Variants in PCNP observed in about 807,000 individuals in gnomAD.
PCNP encodes PEST proteolytic signal containing nuclear protein, also known as PEST proteolytic signal-containing nuclear protein.
In PCNP, 6 loss-of-function variants were observed where a neutral mutation model predicts 21.8. The observed-to-expected ratio is 0.28, with a 90% CI of 0.15 to 0.54. The LOEUF (loss-of-function observed/expected upper bound fraction) is 0.54. PCNP is among the 20% of genes least tolerant of loss of function. The pLI, the probability that PCNP is intolerant of heterozygous loss-of-function variation, is 0.95. For synonymous variants in PCNP, 67 were observed against 73.2 expected (o/e 0.92, Z 0.43); for missense variants, 161 against 215.5 (o/e 0.75, Z 1.58).
At chr3:101,581,130 T>G (rs1935199762) in intron 2 of PCNP, among the ~76,000 whole-genome samples, 1 of 152,204 alleles carries the variant, frequency 6.6e-6, no homozygotes, top group Non-Finnish European at 1.5e-5. Context: ...TTGCCCTTTT[T>G]CTATTTCTAT....
chr3:101,586,347 A>C (rs1348695589), intron 3 of PCNP, among the ~76,000 whole-genome samples: 1 of 151,976 alleles, frequency 6.6e-6, no homozygotes, highest in Non-Finnish European at 1.5e-5. Context: ...CAATTTCCTC[A>C]TGCCCCTCAC....
At chr3:101,592,523 G>GTGTT in intron 4 of PCNP, 104 bp from the exon 5 acceptor site, 1 of 861,428 alleles carries the variant, frequency 1.2e-6, no homozygotes, top group Non-Finnish European at 1.8e-6. Context: ...TGTTCAGTCT[G>GTGTT]TGTTTATAAT....
chr3:101,585,976 G>A (rs1186428843), intron 3 of PCNP, among the ~76,000 whole-genome samples: 3 of 152,052 alleles, frequency 2.0e-5, no homozygotes, highest in Non-Finnish European at 4.4e-5. Context: ...TTCAAGACCA[G>A]CCTGGCCAAT....
At chr3:101,579,475 C>T (rs1559957718) in intron 1 of PCNP, 1 of 479,186 alleles carries the variant, frequency 2.1e-6, no homozygotes, top group Non-Finnish European at 4.0e-6. Context: ...TTCTAAAAAG[C>T]AAAATCCCAC....
At position 101,590,297 on chromosome 3, in the gene PCNP, A is replaced by G. The variant is rs748488743; in HGVS notation, c.410+27A>G. On this transcript the variant is annotated intron_variant, in intron 4 of 4. Transcript: ENST00000265260. ...TATTATAATTTTTCATAAATATTATAGAAAGATACAAAGGTGAATTAACAA... is the reference window on the plus strand; with the variant it reads ...TATTATAATTTTTCATAAATATTATGGAAAGATACAAAGGTGAATTAACAA... 22 of 1,163,358 alleles carry G rather than the reference A, an allele frequency of 1.9e-5. No homozygotes were observed. The South Asian group carries it at 2.3e-4, about 12-fold the overall frequency. 72.1% of individuals were successfully genotyped at this position (1,163,358 alleles called of 1,614,324 possible).
chr3:101,589,372 A>G lies in PCNP; in HGVS notation c.355-843A>G, dbSNP rs185934093. 2.6e-4 allele frequency among the ~76,000 whole-genome samples: 40 copies of G among 151,944 alleles called. No homozygotes were observed. The Middle Eastern group carries it at 0.017, about 65-fold the overall frequency. On this transcript the variant is annotated intron_variant, in intron 3 of 4. Coordinates refer to ENST00000265260, the MANE Select transcript of PCNP (RefSeq NM_020357.3). ...GAAAGGAACTTTCCCCACAATTTTC[A>G]ACACCTATAAGTATAGAAAAAGTAA...
chr3:101,590,302 G>A (rs1304275483), intron 4 of PCNP, 32 bp downstream of exon 4: 1 of 1,120,512 alleles, frequency 8.9e-7, no homozygotes, highest in Non-Finnish European at 1.3e-6. Context: ...ATTATAGAAA[G>A]ATACAAAGGT....
chr3:101,585,544 T>A (rs749675290), intron 3 of PCNP, 33 bp downstream of exon 3: 16 of 1,402,162 alleles, frequency 1.1e-5, no homozygotes, highest in Non-Finnish European at 1.6e-5. Context: ...TTTTTTACTT[T>A]AACCAGTTAT....
chr3:101,577,070 C>T, intron 1 of PCNP: 1 of 681,106 alleles, frequency 1.5e-6, no homozygotes. Flanking sequence ...CGTGATCCGC[C>T]CGCCTCGGCC....
Position 101,581,424 on chromosome 3 carries a change from A to T in PCNP, c.279+1420A>T, listed in dbSNP as rs192866653. On this transcript the variant is annotated intron_variant, in intron 2 of 4. Transcript: ENST00000265260. ...ACTCTTTTTTTTAATTTATTTATTT[A>T]TATTTATTTATTTATTTATTTTTTG... Among the ~76,000 whole-genome samples the T allele has an allele frequency of 4.0e-3, 599 of 150,972 alleles. 5 individuals carry two copies. The highest frequency in any genetic ancestry group is 0.014 in the African/African-American group (572 of 41,214).
chr3:101,586,393 G>C lies in PCNP; in HGVS notation c.354+882G>C, dbSNP rs554319753. Among the ~76,000 whole-genome samples, 12 of 152,036 alleles carry C rather than the reference G, an allele frequency of 7.9e-5. 1 individual carries two copies. The South Asian group carries it at 2.3e-3, about 29-fold the overall frequency. ...TCTTCCCATGTTATGAATGACCTATGGAAGTTTCAAGCATGATTCTGACTG... is the reference window on the plus strand; with the variant it reads ...TCTTCCCATGTTATGAATGACCTATCGAAGTTTCAAGCATGATTCTGACTG... On this transcript the variant is annotated intron_variant, in intron 3 of 4. Transcript: ENST00000265260.
intron 1 of PCNP, chr3:101,576,689 G>C (rs1196239705): frequency 3.1e-5 from 50 of 1,611,834 alleles, no homozygotes; most frequent in Non-Finnish European, 4.0e-5. Flanking sequence ...ACATCCTTCT[G>C]TCTGTTCAAG....
intron 1 of PCNP, among the ~76,000 whole-genome samples, chr3:101,575,827 A>G (rs1397064909): frequency 2.0e-5 from 3 of 152,162 alleles, no homozygotes; most frequent in Non-Finnish European, 4.4e-5. Context: ...TATTAGTTCT[A>G]TAGTATGAAT....
At chr3:101,578,816 T>C (rs1219498229) in intron 1 of PCNP, among the ~76,000 whole-genome samples, 12 of 152,176 alleles carry the variant, frequency 7.9e-5, no homozygotes, top group Admixed American at 7.9e-4. Flanking sequence ...CTTCTTTTTC[T>C]CCATAAATAA....
intron 1 of PCNP, among the ~76,000 whole-genome samples, chr3:101,575,348 A>G (rs750248564): frequency 6.5e-4 from 99 of 152,186 alleles, no homozygotes; most frequent in Non-Finnish European, 1.1e-3. Context: ...TTGCCTTGGG[A>G]ACAAAAATTA....
At chr3:101,584,172 G>A (rs1935374606) in intron 2 of PCNP, among the ~76,000 whole-genome samples, 1 of 152,172 alleles carries the variant, frequency 6.6e-6, no homozygotes, top group African/African-American at 2.4e-5. Flanking sequence ...GCTCCTAAGT[G>A]GAGCTGCCCA....
intron 3 of PCNP, 140 bp from the exon 4 acceptor site, chr3:101,590,075 A>T (rs1374275525): frequency 1.6e-6 from 1 of 643,490 alleles, no homozygotes; most frequent in African/African-American, 1.9e-5. Flanking sequence ...AAGGTAAATA[A>T]CTCACTAATT....
chr3:101,585,532 G>T (rs780551558), intron 3 of PCNP, 21 bp downstream of exon 3: 2 of 1,532,110 alleles, frequency 1.3e-6, no homozygotes, highest in Non-Finnish European at 1.8e-6. Flanking sequence ...ATCGAGTTTT[G>T]TTTTTTTACT....
intron 1 of PCNP, chr3:101,576,789 G>A: frequency 2.5e-6 from 4 of 1,611,142 alleles, no homozygotes; most frequent in Non-Finnish European, 3.4e-6. Context: ...CCGCCCTCTT[G>A]GTGAGGTCAG....
Sources: allele counts gnomAD v4.1 joint callset (sites outside exome capture counted in the v4.1 genomes callset), GRCh38; gene constraint gnomAD v4.1.1; transcripts MANE v1.5; gene names NCBI Gene and HGNC (gene_info 2026-07-23, HGNC 2026-07-21).